The following EIF5A2 variants were observed in gnomAD, a reference collection of about 807,000 sequenced individuals.
EIF5A2 encodes eukaryotic translation initiation factor 5A-2.
EIF5A2 carries 15 observed loss-of-function variants against 16.4 expected under a neutral mutation model. The ratio of observed to expected loss-of-function variants is 0.92; its 90% CI spans 0.61 to 1.41. The LOEUF is 1.41. Ranked by LOEUF, EIF5A2 falls within the 40% of genes most tolerant of loss-of-function variation. EIF5A2 has a pLI of 0.00. For synonymous variants in EIF5A2, 48 were observed against 61.1 expected (o/e 0.79, Z 1.00); for missense variants, 144 against 189.5 (o/e 0.76, Z 1.41).
chr3:170,906,572 G>A (rs1188734970), intron 3 of EIF5A2, among the ~76,000 whole-genome samples: 2 of 152,090 alleles, frequency 1.3e-5, no homozygotes, highest in African/African-American at 4.8e-5. Flanking sequence ...AACTTGGTAG[G>A]AACATGAATT....
chr3:170,900,810 A>G (rs1207200417), intron 3 of EIF5A2, among the ~76,000 whole-genome samples: 1 of 152,198 alleles, frequency 6.6e-6, no homozygotes, highest in Non-Finnish European at 1.5e-5. Context: ...AAACAAACAA[A>G]CAAAAATTGA....
chr3:170,893,491 A>G, intron 4 of EIF5A2, 72 bp from the exon 5 acceptor site: 2 of 1,493,768 alleles, frequency 1.3e-6, no homozygotes, highest in South Asian at 2.4e-5. Context: ...AGTTCCTCAT[A>G]TATTGTATAT....
intron 3 of EIF5A2, among the ~76,000 whole-genome samples, chr3:170,904,405 C>T (rs1326701848): frequency 6.6e-6 from 1 of 152,184 alleles, no homozygotes; most frequent in African/African-American, 2.4e-5. Context: ...AAGGATTACA[C>T]ACGCCAAATA....
intron 3 of EIF5A2, among the ~76,000 whole-genome samples, chr3:170,895,298 A>T (rs1285137586): frequency 6.6e-6 from 1 of 151,994 alleles, no homozygotes; most frequent in Non-Finnish European, 1.5e-5. Flanking sequence ...AACAACAACA[A>T]CAACAACAAA....
At chr3:170,900,567 A>G (rs371168207) in intron 3 of EIF5A2, among the ~76,000 whole-genome samples, 2 of 152,150 alleles carry the variant, frequency 1.3e-5, no homozygotes, top group African/African-American at 4.8e-5. Flanking sequence ...TAACTTGAAT[A>G]AGCTCCCACT....
intron 1 of EIF5A2, among the ~76,000 whole-genome samples, chr3:170,908,115 C>A (rs962043051): frequency 2.0e-4 from 30 of 152,172 alleles, no homozygotes; most frequent in African/African-American, 6.8e-4. Context: ...CAGGTTGCGG[C>A]CCCCATCGCC....
chr3:170,907,151 C>T, intron 2 of EIF5A2, 58 bp from the exon 3 acceptor site: 2 of 1,065,552 alleles, frequency 1.9e-6, no homozygotes, highest in East Asian at 2.4e-5. Flanking sequence ...ACTCATTACA[C>T]ACACAAGAGC....
rs1712571604 is a variant in EIF5A2, at chr3:170,892,941, T to C, written c.*419A>G. ...ACAATTCCAATATATAATCAGTTCA[T>C]TTTATATTAAATCTGTAATTAATGC... On this transcript the variant is annotated 3_prime_UTR_variant, in exon 5 of 5. Coordinates refer to ENST00000295822, the MANE Select transcript of EIF5A2 (RefSeq NM_020390.6). 3 of 399,370 alleles carry C rather than the reference T, an allele frequency of 7.5e-6. No homozygotes were observed. The highest frequency in any genetic ancestry group is 4.4e-5 in the Admixed American group (1 of 22,804). The allele number at this position is 399,370 out of a possible 1,614,324, so 24.7% of individuals were successfully genotyped here.
At chr3:170,899,630 A>C (rs1217409618) in intron 3 of EIF5A2, among the ~76,000 whole-genome samples, 1 of 152,002 alleles carries the variant, frequency 6.6e-6, no homozygotes, top group Non-Finnish European at 1.5e-5. Flanking sequence ...AATTTGTCCC[A>C]TTACAAGTGA....
In EIF5A2 at chr3:170,888,836, A is replaced by T. The variant is rs1205630673; in HGVS notation, c.*4524T>A. ...ACTAGTAATTTGCATTATGCTTTGT[A>T]ACAAGCACAAGAATGCTTATTTATA... is the stretch of plus-strand genomic sequence containing the variant. On this transcript the variant is annotated 3_prime_UTR_variant, in exon 5 of 5. Coordinates refer to ENST00000295822, the MANE Select transcript of EIF5A2 (RefSeq NM_020390.6). 1.3e-5 allele frequency: 2 copies of T among 152,522 alleles called. No homozygotes were observed. Among genetic ancestry groups the T allele is most frequent in the African/African-American group, 4.8e-5 (2 of 41,448 alleles). The allele number at this position is 152,522 out of a possible 1,614,324, so 9.4% of individuals were successfully genotyped here.
At chr3:170,900,770 C>T (rs893044713) in intron 3 of EIF5A2, among the ~76,000 whole-genome samples, 4 of 152,090 alleles carry the variant, frequency 2.6e-5, no homozygotes, top group African/African-American at 7.2e-5. Flanking sequence ...CCCCGCTACA[C>T]GCACAGACAC....
In EIF5A2 at chr3:170,893,167, A is replaced by C; in HGVS notation, c.*193T>G. The C allele has an allele frequency of 2.2e-6, 1 of 448,674 alleles. No individual in the cohort carries two copies. Among genetic ancestry groups the C allele is most frequent in the African/African-American group, 2.0e-5 (1 of 49,340 alleles). 27.8% of individuals were successfully genotyped at this position (448,674 alleles called of 1,614,324 possible). A position where few individuals can be genotyped will look rare whatever the true frequency, so the allele number is the denominator to read the frequency against. On this transcript the variant is annotated 3_prime_UTR_variant, in exon 5 of 5. Coordinates refer to ENST00000295822, the MANE Select transcript of EIF5A2 (RefSeq NM_020390.6). ...TATAGGAAACATATCTACAAAATTC[A>C]AAAAAAATTATACATATTGATAATT...
chr3:170,894,245 G>A, intron 4 of EIF5A2, 47 bp downstream of exon 4: 6 of 1,595,852 alleles, frequency 3.8e-6, no homozygotes, highest in Non-Finnish European at 5.1e-6. Flanking sequence ...TGAGGTCAAA[G>A]TTTTTATAAA....
intron 3 of EIF5A2, among the ~76,000 whole-genome samples, chr3:170,899,637 G>A (rs186560384): frequency 1.2e-3 from 183 of 151,922 alleles, no homozygotes; most frequent in African/African-American, 4.3e-3. Context: ...CCCATTACAA[G>A]TGATGCCAAC....
In EIF5A2 at chr3:170,889,028, A is replaced by G. The variant is rs990193134; in HGVS notation, c.*4332T>C. 3 of 149,784 alleles carry G rather than the reference A, an allele frequency of 2.0e-5. No homozygotes were observed. The highest frequency in any genetic ancestry group is 4.4e-5 in the Non-Finnish European group (3 of 67,444). 9.3% of individuals were successfully genotyped at this position (149,784 alleles called of 1,614,324 possible). A position where few individuals can be genotyped will look rare whatever the true frequency, so the allele number is the denominator to read the frequency against. Reference sequence around the variant, plus strand: ...ACCAAGAAACAGTTTTAGGGACTTCATATAAATACAATAACCTGTCTTTTT... The same window carrying G: ...ACCAAGAAACAGTTTTAGGGACTTCGTATAAATACAATAACCTGTCTTTTT... On this transcript the variant is annotated 3_prime_UTR_variant, in exon 5 of 5. Transcript: ENST00000295822.
At position 170,889,059 on chromosome 3, in the gene EIF5A2, T is replaced by TTTTTTTTTTTTTG. The variant is rs1712460021; in HGVS notation, c.*4288_*4300dup. On this transcript the variant is annotated 3_prime_UTR_variant, in exon 5 of 5. Coordinates refer to ENST00000295822, the MANE Select transcript of EIF5A2 (RefSeq NM_020390.6). ...ATACAATAACCTGTCTTTTTTTTTT[T>TTTTTTTTTTTTTG]TTTTTTTTTTTTGTAAAATAGGTTT... is the stretch of plus-strand genomic sequence containing the variant. 6.9e-6 allele frequency: 1 copy of TTTTTTTTTTTTTG among 144,822 alleles called. No individual in the cohort carries two copies. The highest frequency in any genetic ancestry group is 2.6e-5 in the African/African-American group (1 of 39,190). The allele number at this position is 144,822 out of a possible 1,614,324, so 9.0% of individuals were successfully genotyped here.
At chr3:170,905,900 C>A (rs1403642068) in intron 3 of EIF5A2, among the ~76,000 whole-genome samples, 1 of 151,994 alleles carries the variant, frequency 6.6e-6, no homozygotes, top group Non-Finnish European at 1.5e-5. Flanking sequence ...GTTAAAAAAA[C>A]CCACTTGCAA....
chr3:170,906,356 T>C lies in EIF5A2; in HGVS notation c.270+633A>G, dbSNP rs564725874. ...ATTAAATATGACCTACCCAAATGTA[T>C]AACTGGAACTAAAACTTGAAATTTA... On this transcript the variant is annotated intron_variant, in intron 3 of 4. Transcript: ENST00000295822. Among the ~76,000 whole-genome samples, 4 of 152,288 alleles carry C rather than the reference T, an allele frequency of 2.6e-5. No homozygotes were observed. The South Asian group carries it at 8.3e-4, about 32-fold the overall frequency.
chr3:170,895,700 T>C (rs933051135), intron 3 of EIF5A2, among the ~76,000 whole-genome samples: 6 of 152,316 alleles, frequency 3.9e-5, no homozygotes, highest in South Asian at 4.1e-4. Flanking sequence ...AGTTTTTATA[T>C]GTCTAGAAAT....
Sources: gnomAD v4.1 joint callset for allele counts (sites outside exome capture counted in the v4.1 genomes callset) on GRCh38, gnomAD v4.1.1 for gene constraint, MANE v1.5 for transcripts, NCBI Gene and HGNC (gene_info 2026-07-23, HGNC 2026-07-21) for gene names.